CTBS: variants seen among roughly 807,000 people sequenced by gnomAD.
CTBS encodes di-N-acetylchitobiase.
In CTBS, 35 loss-of-function variants were observed where a neutral mutation model predicts 44.3. The ratio of observed to expected loss-of-function variants is 0.79; its 90% CI spans 0.60 to 1.05. The LOEUF (loss-of-function observed/expected upper bound fraction) is 1.05. CTBS is among the 50% of genes least tolerant of loss of function. CTBS has a pLI of 0.00. For synonymous variants in CTBS, 143 were observed against 168.0 expected (o/e 0.85, Z 1.15); for missense variants, 458 against 475.3 (o/e 0.96, Z 0.34).
chr1:84,567,164 T>C (rs1684715349), intron 3 of CTBS, among the ~76,000 whole-genome samples: 1 of 152,232 alleles, frequency 6.6e-6, no homozygotes, highest in Non-Finnish European at 1.5e-5. Flanking sequence ...AGCAAAACTC[T>C]TTTTAGGACT....
chr1:84,561,394 T>G (rs1315020607), intron 6 of CTBS, among the ~76,000 whole-genome samples: 1 of 152,258 alleles, frequency 6.6e-6, no homozygotes, highest in Non-Finnish European at 1.5e-5. Flanking sequence ...GAGGAGCTAC[T>G]TCTTATGAAT....
At position 84,570,582 on chromosome 1, in the gene CTBS, C is replaced by G. The variant is rs919680161; in HGVS notation, c.316G>C (p.Gly106Arg). The change falls in exon 2 of 7, where the codon GGA becomes CGA. Residue 106 changes from glycine (G) to arginine (R), a missense_variant and splice_region_variant. By Grantham distance (125) the Gly-to-Arg change is moderately radical. Coordinates refer to ENST00000370630, the MANE Select transcript of CTBS (RefSeq NM_004388.3). The part of the protein sequence containing the change: ...HSKGARVVLK[G>R]DVSLKDIIDP... ...ACACATAGATCTGGAAACAACATACCTTTAAGTACTACTCTGGCTCCTTTT... is the reference window on the plus strand; with the variant it reads ...ACACATAGATCTGGAAACAACATACGTTTAAGTACTACTCTGGCTCCTTTT... 11 of 1,609,050 alleles carry G rather than the reference C, an allele frequency of 6.8e-6. No individual in the cohort carries two copies. The highest frequency in any genetic ancestry group is 1.3e-5 in the African/African-American group (1 of 74,828).
In CTBS at chr1:84,550,642, T is replaced by C. The variant is rs2102008276; in HGVS notation, c.*4357A>G. The C allele has an allele frequency of 7.8e-7, 1 of 1,279,704 alleles. No homozygotes were observed. Among genetic ancestry groups the C allele is most frequent in the Non-Finnish European group, 9.9e-7 (1 of 1,006,306 alleles). The allele number at this position is 1,279,704 out of a possible 1,614,324, so 79.3% of individuals were successfully genotyped here. ...ATAAGGGTAGCCAGGATTGACTGTA[T>C]TAAAATTGTTACCTTAACAGTAAAG... is the stretch of plus-strand genomic sequence containing the variant. On this transcript the variant is annotated 3_prime_UTR_variant, in exon 7 of 7. Transcript: ENST00000370630.
rs912368023 is a variant in CTBS at position 84,551,318 on chromosome 1, T to A, written c.*3681A>T. The A allele has an allele frequency of 9.1e-5, 87 of 960,880 alleles. No homozygotes were observed. The highest frequency in any genetic ancestry group is 1.8e-4 in the African/African-American group (10 of 56,694). 59.5% of individuals were successfully genotyped at this position (960,880 alleles called of 1,614,324 possible). The stretch of plus-strand genomic sequence containing the variant: ...CTAGAATTAGCTCTTTTTAAAAAAA[T>A]TTTAAAAAGAAAAAAGAAAATCAGT... On this transcript the variant is annotated 3_prime_UTR_variant, in exon 7 of 7. Coordinates refer to ENST00000370630, the MANE Select transcript of CTBS (RefSeq NM_004388.3).
Position 84,550,931 on chromosome 1 carries a change from T to C in CTBS, c.*4068A>G. 1 of 978,232 alleles carries C rather than the reference T, an allele frequency of 1.0e-6. No homozygotes were observed. The highest frequency in any genetic ancestry group is 1.2e-6 in the Non-Finnish European group (1 of 823,402). The allele number at this position is 978,232 out of a possible 1,614,324, so 60.6% of individuals were successfully genotyped here. A position where few individuals can be genotyped will look rare whatever the true frequency, so the allele number is the denominator to read the frequency against. On this transcript the variant is annotated 3_prime_UTR_variant, in exon 7 of 7. Transcript: ENST00000370630. ...GTTTCATTTTTTCTGGTTATTTTCA[T>C]ATGTATTCTATTATTTAAATATGAA...
intron 6 of CTBS, among the ~76,000 whole-genome samples, chr1:84,557,533 CAAAA>C (rs56101174): frequency 7.2e-5 from 4 of 55,432 alleles, no homozygotes; most frequent in Admixed American, 2.7e-4. Context: ...AACTCCATCT[CAAAA>C]AAAAAAAAAA....
In CTBS at chr1:84,563,378, G is replaced by A; in HGVS notation, c.836C>T (p.Ala279Val). 1 of 1,580,132 alleles carries A rather than the reference G, an allele frequency of 6.3e-7. No individual in the cohort carries two copies. Among genetic ancestry groups the A allele is most frequent in the Non-Finnish European group, 8.6e-7 (1 of 1,164,770 alleles). The change falls in exon 6 of 7, where the codon GCT (alanine) becomes GTT (valine). Residue 279 changes from alanine to valine, a missense_variant. Transcript: ENST00000370630. ...ACGTCCTGCAGCGTCACTACAAGGA[G>A]CCCCCCGGAAAGGGACTTTTGCAAT... The part of the protein sequence containing the change: ...CTIAKVPFRG[A>V]PCSDAAGRQV...
intron 3 of CTBS, among the ~76,000 whole-genome samples, chr1:84,567,650 C>A (rs1684725068): frequency 6.6e-6 from 1 of 152,132 alleles, no homozygotes; most frequent in African/African-American, 2.4e-5. Context: ...AAGTTATTAT[C>A]TTATTCCCAA....
chr1:84,559,096 A>AT (rs1040237957), intron 6 of CTBS, among the ~76,000 whole-genome samples: 8 of 152,088 alleles, frequency 5.3e-5, no homozygotes, highest in Non-Finnish European at 1.0e-4. Context: ...CAGACATTAA[A>AT]TTTTTTGCAA....
chr1:84,556,143 T>TAA (rs991036830), intron 6 of CTBS, among the ~76,000 whole-genome samples: 11 of 152,166 alleles, frequency 7.2e-5, no homozygotes, highest in Non-Finnish European at 1.6e-4. Context: ...AAAGTCCTTC[T>TAA]GCCCAGAATC....
At chr1:84,556,372 A>T (rs1684428955) in intron 6 of CTBS, among the ~76,000 whole-genome samples, 1 of 152,218 alleles carries the variant, frequency 6.6e-6, no homozygotes, top group East Asian at 1.9e-4. Context: ...AATTAATGCC[A>T]GTAATATTTA....
In CTBS at chr1:84,554,817, T is replaced by C. The variant is rs1684381034; in HGVS notation, c.*182A>G. ...TAAGTTGACTTGCTTCTTGCCTTTA[T>C]GTTCCTGGATACTGAGGACATTCGT... On this transcript the variant is annotated 3_prime_UTR_variant, in exon 7 of 7. Transcript: ENST00000370630. 1.5e-5 allele frequency: 8 copies of C among 527,914 alleles called. No homozygotes were observed. The highest frequency in any genetic ancestry group is 2.3e-5 in the Non-Finnish European group (7 of 303,204). The allele number at this position is 527,914 out of a possible 1,614,324, so 32.7% of individuals were successfully genotyped here.
At chr1:84,568,137 T>A (rs1684732223) in intron 3 of CTBS, among the ~76,000 whole-genome samples, 1 of 152,180 alleles carries the variant, frequency 6.6e-6, no homozygotes, top group Admixed American at 6.5e-5. Flanking sequence ...CCCAAATTGT[T>A]CTCCTCACCT....
Position 84,563,245 on chromosome 1 carries a change from G to A in CTBS, c.957+12C>T, listed in dbSNP as rs369419413. On this transcript the variant is annotated intron_variant, in intron 6 of 6. Transcript: ENST00000370630. ...AATAGAATAAATGCTCATAACTTAC[G>A]AAAAGTCTTACTTTATAGTTATAAT... 21 of 1,441,760 alleles carry A rather than the reference G, an allele frequency of 1.5e-5. No individual in the cohort carries two copies. The highest frequency in any genetic ancestry group is 4.5e-5 in the South Asian group (3 of 66,452). The allele number at this position is 1,441,760 out of a possible 1,614,324, so 89.3% of individuals were successfully genotyped here. A position where few individuals can be genotyped will look rare whatever the true frequency, so the allele number is the denominator to read the frequency against.
At chr1:84,559,954 G>T (rs1356489226) in intron 6 of CTBS, among the ~76,000 whole-genome samples, 1 of 151,358 alleles carries the variant, frequency 6.6e-6, no homozygotes, top group South Asian at 2.1e-4. Flanking sequence ...GCATAGTGGC[G>T]GGCACCTGTA....
In CTBS at chr1:84,551,259, A is replaced by G. The variant is rs1014755150; in HGVS notation, c.*3740T>C. ...ATGAATGCTCTCATTTCTTTATCAG[A>G]AACAGCTTTATGACACAGAATAATG... On this transcript the variant is annotated 3_prime_UTR_variant, in exon 7 of 7. Transcript: ENST00000370630. 3 of 984,544 alleles carry G rather than the reference A, an allele frequency of 3.0e-6. No homozygotes were observed. In the African/African-American group the frequency reaches 5.2e-5, roughly 17 times the overall value. The allele number at this position is 984,544 out of a possible 1,614,324, so 61.0% of individuals were successfully genotyped here.
At chr1:84,558,228 G>A (rs1369495193) in intron 6 of CTBS, among the ~76,000 whole-genome samples, 5 of 151,800 alleles carry the variant, frequency 3.3e-5, no homozygotes, top group Non-Finnish European at 7.4e-5. Flanking sequence ...ATTTCACAAT[G>A]TATAGATATA....
Position 84,551,310 on chromosome 1 carries a change from T to C in CTBS, c.*3689A>G. 1 of 970,780 alleles carries C rather than the reference T, an allele frequency of 1.0e-6. No individual in the cohort carries two copies. The highest frequency in any genetic ancestry group is 4.8e-5 in the South Asian group (1 of 20,972). The allele number at this position is 970,780 out of a possible 1,614,324, so 60.1% of individuals were successfully genotyped here. A position where few individuals can be genotyped will look rare whatever the true frequency, so the allele number is the denominator to read the frequency against. On this transcript the variant is annotated 3_prime_UTR_variant, in exon 7 of 7. Transcript: ENST00000370630. The stretch of plus-strand genomic sequence containing the variant: ...ACTGCATTCTAGAATTAGCTCTTTT[T>C]AAAAAAATTTTAAAAAGAAAAAAGA...
At chr1:84,560,521 A>C (rs1245981953) in intron 6 of CTBS, among the ~76,000 whole-genome samples, 1 of 152,182 alleles carries the variant, frequency 6.6e-6, no homozygotes, top group East Asian at 1.9e-4. Context: ...TTCATTCTGA[A>C]ACCTCCCATG....
Sources: allele counts gnomAD v4.1 joint callset (sites outside exome capture counted in the v4.1 genomes callset), GRCh38; gene constraint gnomAD v4.1.1; transcripts MANE v1.5; gene names NCBI Gene and HGNC (gene_info 2026-07-23, HGNC 2026-07-21).